The following TGFBR3 variants were observed in gnomAD, a reference collection of about 807,000 sequenced individuals.
TGFBR3 encodes the protein transforming growth factor beta receptor 3, also known as transforming growth factor beta receptor type 3.
Under a neutral mutation model 87.9 loss-of-function variants are expected in TGFBR3, and 46 were observed. The observed-to-expected ratio is 0.52, with a 90% CI of 0.41 to 0.67. The LOEUF is 0.67. Ranked by LOEUF, TGFBR3 falls within the 30% of genes least tolerant of loss-of-function variation. TGFBR3 has a pLI of 0.00. For missense variants in TGFBR3, 866 were observed against 1,041.9 expected (o/e 0.83, Z 2.32); for synonymous variants, 381 against 391.6 (o/e 0.97, Z 0.32).
chr1:91,746,185 G>A (rs1195330052), intron 4 of TGFBR3, among the ~76,000 whole-genome samples: 3 of 152,140 alleles, frequency 2.0e-5, no homozygotes, highest in African/African-American at 7.2e-5. Flanking sequence ...ACATGAGCCA[G>A]TACAAAAGCA....
At chr1:91,866,740 G>A (rs1678405219) in intron 1 of TGFBR3, 1 of 152,192 alleles carries the variant, frequency 6.6e-6, no homozygotes, top group Non-Finnish European at 1.5e-5. Flanking sequence ...AGCTCTAAAG[G>A]AAAAGTATAC....
intron 16 of TGFBR3, among the ~76,000 whole-genome samples, chr1:91,690,891 G>T (rs2100702028): frequency 1.3e-5 from 2 of 152,128 alleles, no homozygotes; most frequent in South Asian, 4.1e-4. Context: ...CCCACCCACA[G>T]CTTAGAATTT....
intron 3 of TGFBR3, among the ~76,000 whole-genome samples, chr1:91,760,122 T>C (rs1457217546): frequency 6.6e-6 from 1 of 152,262 alleles, no homozygotes; most frequent in Non-Finnish European, 1.5e-5. Context: ...TGCTTTTCAA[T>C]GCCACAAAAA....
chr1:91,860,310 A>G (rs1367299686), intron 2 of TGFBR3, among the ~76,000 whole-genome samples: 1 of 152,204 alleles, frequency 6.6e-6, no homozygotes, highest in Admixed American at 6.5e-5. Flanking sequence ...TGCCCACTCA[A>G]TAGATGATCA....
At chr1:91,841,421 T>A (rs1677274794) in intron 2 of TGFBR3, among the ~76,000 whole-genome samples, 1 of 152,226 alleles carries the variant, frequency 6.6e-6, no homozygotes, top group Non-Finnish European at 1.5e-5. Context: ...ACTGCCTTCA[T>A]TCCTGCTGAG....
At chr1:91,807,752 G>A (rs188823638) in intron 2 of TGFBR3, among the ~76,000 whole-genome samples, 2 of 152,264 alleles carry the variant, frequency 1.3e-5, no homozygotes, top group East Asian at 3.9e-4. Context: ...TGAAGCAGTG[G>A]CATGTCTCAG....
intron 1 of TGFBR3, among the ~76,000 whole-genome samples, chr1:91,868,114 C>G (rs758900107): frequency 6.6e-5 from 10 of 152,178 alleles, no homozygotes; most frequent in Admixed American, 1.3e-4. Context: ...GACAGGGTTT[C>G]GCCATGTTGG....
chr1:91,903,784 T>C (rs1679784493), intron 1 of TGFBR3, among the ~76,000 whole-genome samples: 1 of 152,156 alleles, frequency 6.6e-6, no homozygotes, highest in African/African-American at 2.4e-5. Flanking sequence ...ATTCAAAATA[T>C]GTTGAAAAAA....
chr1:91,835,738 C>T (rs1047227683), intron 2 of TGFBR3, among the ~76,000 whole-genome samples: 1 of 140,382 alleles, frequency 7.1e-6, no homozygotes, highest in Non-Finnish European at 1.5e-5. Flanking sequence ...TGAGGCAGGA[C>T]AATGACGTGA....
intron 3 of TGFBR3, among the ~76,000 whole-genome samples, chr1:91,759,738 G>A (rs1230344601): frequency 6.6e-6 from 1 of 152,200 alleles, no homozygotes; most frequent in Non-Finnish European, 1.5e-5. Flanking sequence ...AAAGTAATAA[G>A]GGAGGGACAG....
At chr1:91,728,807 T>C (rs1039614960) in intron 6 of TGFBR3, among the ~76,000 whole-genome samples, 1 of 152,154 alleles carries the variant, frequency 6.6e-6, no homozygotes, top group African/African-American at 2.4e-5. Context: ...ATTTAAATTT[T>C]CAAGTCACTA....
intron 2 of TGFBR3, among the ~76,000 whole-genome samples, chr1:91,810,508 A>G (rs965500979): frequency 6.6e-6 from 1 of 151,908 alleles, no homozygotes; most frequent in African/African-American, 2.4e-5. Context: ...CTTACCAGAA[A>G]CTCCATGAGG....
chr1:91,697,619 G>T (rs1671476843), intron 15 of TGFBR3, among the ~76,000 whole-genome samples: 1 of 152,170 alleles, frequency 6.6e-6, no homozygotes, highest in Admixed American at 6.5e-5. Context: ...ATTCTTACAT[G>T]CTCTTCCTGG....
rs900556970 is a variant in TGFBR3, at chr1:91,680,962, G to A, written c.*2777C>T. On this transcript the variant is annotated 3_prime_UTR_variant, in exon 17 of 17. Transcript: ENST00000212355. ...TAACAGCTGGTAAACACCACATGGT[G>A]AAAAGCTATAGCGTATTATACAGAC... 15 of 453,982 alleles carry A rather than the reference G, an allele frequency of 3.3e-5. No individual in the cohort carries two copies. Among genetic ancestry groups the A allele is most frequent in the Non-Finnish European group, 5.7e-5 (13 of 226,790 alleles). 28.1% of individuals were successfully genotyped at this position (453,982 alleles called of 1,614,324 possible).
At chr1:91,791,048 A>G (rs572157353) in intron 3 of TGFBR3, among the ~76,000 whole-genome samples, 1 of 152,364 alleles carries the variant, frequency 6.6e-6, no homozygotes, top group East Asian at 1.9e-4. Flanking sequence ...AAAATGGTCA[A>G]TCTTTGAATT....
At chr1:91,759,627 C>T (rs974529209) in intron 3 of TGFBR3, among the ~76,000 whole-genome samples, 3 of 152,170 alleles carry the variant, frequency 2.0e-5, no homozygotes, top group African/African-American at 7.2e-5. Flanking sequence ...TGACTAGATA[C>T]TTTCATACAG....
intron 16 of TGFBR3, among the ~76,000 whole-genome samples, chr1:91,689,499 G>A (rs746776308): frequency 1.2e-4 from 19 of 152,272 alleles, no homozygotes; most frequent in Middle Eastern, 3.4e-3. Context: ...AATAAGTTGA[G>A]TGAAAGAACG....
intron 1 of TGFBR3, among the ~76,000 whole-genome samples, chr1:91,882,415 G>C (rs1298722944): frequency 1.3e-5 from 2 of 151,622 alleles, no homozygotes; most frequent in Non-Finnish European, 2.9e-5. Context: ...GGGATTACAG[G>C]CGTGAGCCAC....
chr1:91,727,525 T>C, intron 7 of TGFBR3, 134 bp downstream of exon 7: 1 of 1,161,770 alleles, frequency 8.6e-7, no homozygotes, highest in Non-Finnish European at 1.2e-6. Flanking sequence ...CATGCTATTT[T>C]GCAAAGTGAA....
Sources: gnomAD v4.1 joint callset for allele counts (sites outside exome capture counted in the v4.1 genomes callset) on GRCh38, gnomAD v4.1.1 for gene constraint, MANE v1.5 for transcripts, NCBI Gene and HGNC (gene_info 2026-07-23, HGNC 2026-07-21) for gene names.